The following FOXJ3 variants were observed in gnomAD, a reference collection of about 807,000 sequenced individuals.
FOXJ3 encodes the protein forkhead box protein J3.
In FOXJ3, 22 loss-of-function variants were observed where a neutral mutation model predicts 76.1. The ratio of observed to expected loss-of-function variants is 0.29; its 90% CI spans 0.21 to 0.41. FOXJ3 has a LOEUF of 0.41. Among genes scored for constraint, FOXJ3 ranks in the 10% least tolerant of loss-of-function variants. The probability of loss-of-function intolerance (pLI) is 1.00; values close to 1 mark genes in which losing one functional copy is unlikely to be tolerated. For missense variants in FOXJ3, 613 were observed against 762.1 expected, an observed-to-expected ratio of 0.80 and a Z score of 2.30; for synonymous variants, 269 against 261.2, an observed-to-expected ratio of 1.03 and a Z score of -0.29.
intron 1 of FOXJ3, among the ~76,000 whole-genome samples, chr1:42,311,327 G>A (rs1290654876): frequency 1.3e-5 from 2 of 152,112 alleles, no homozygotes; most frequent in African/African-American, 4.8e-5. Context: ...AGACATATCA[G>A]GAAGCCTACA....
chr1:42,241,673 A>G (rs1388860146), intron 4 of FOXJ3, among the ~76,000 whole-genome samples: 1 of 152,228 alleles, frequency 6.6e-6, no homozygotes, highest in African/African-American at 2.4e-5. Flanking sequence ...GATAACATCA[A>G]TGCATACCAC....
chr1:42,286,214 CTT>C (rs1653045482), intron 2 of FOXJ3, among the ~76,000 whole-genome samples: 1 of 152,094 alleles, frequency 6.6e-6, no homozygotes, highest in African/African-American at 2.4e-5. Flanking sequence ...GAAGAAATAA[CTT>C]AGGCTATTTC....
At chr1:42,282,889 A>C (rs1652817232) in intron 2 of FOXJ3, among the ~76,000 whole-genome samples, 1 of 152,236 alleles carries the variant, frequency 6.6e-6, no homozygotes, top group African/African-American at 2.4e-5. Context: ...CTCCCCCAGG[A>C]GATTCTGATC....
At chr1:42,240,947 T>C (rs771991010) in intron 4 of FOXJ3, among the ~76,000 whole-genome samples, 2 of 152,162 alleles carry the variant, frequency 1.3e-5, no homozygotes, top group African/African-American at 4.8e-5. Flanking sequence ...AAAAACCAAA[T>C]AGCAAGCAGA....
chr1:42,319,617 TA>T (rs1412443719), intron 1 of FOXJ3, among the ~76,000 whole-genome samples: 1 of 152,172 alleles, frequency 6.6e-6, no homozygotes, highest in Non-Finnish European at 1.5e-5. Context: ...GTGAATATAC[TA>T]AAAAACACTG....
intron 1 of FOXJ3, among the ~76,000 whole-genome samples, chr1:42,330,017 C>T (rs146657780): frequency 1.3e-5 from 2 of 152,230 alleles, no homozygotes; most frequent in African/African-American, 2.4e-5. Context: ...CCTCTCTGTG[C>T]CCATTTCCTC....
At chr1:42,250,245 G>A (rs371414337) in intron 4 of FOXJ3, among the ~76,000 whole-genome samples, 2 of 152,118 alleles carry the variant, frequency 1.3e-5, no homozygotes, top group Non-Finnish European at 2.9e-5. Flanking sequence ...TAATTATTTT[G>A]TTTTCGTATA....
intron 4 of FOXJ3, among the ~76,000 whole-genome samples, chr1:42,251,526 T>G (rs1488481113): frequency 6.6e-6 from 1 of 152,124 alleles, no homozygotes; most frequent in African/African-American, 2.4e-5. Context: ...TTGAATTTTG[T>G]CAAAGGCCTT....
intron 8 of FOXJ3, among the ~76,000 whole-genome samples, chr1:42,192,066 T>G (rs1224785862): frequency 6.6e-6 from 1 of 152,150 alleles, no homozygotes; most frequent in Non-Finnish European, 1.5e-5. Flanking sequence ...GAACTGAGTC[T>G]TGAAAGATAA....
intron 4 of FOXJ3, among the ~76,000 whole-genome samples, chr1:42,234,872 T>G (rs1170583197): frequency 1.3e-5 from 2 of 152,208 alleles, no homozygotes; most frequent in African/African-American, 4.8e-5. Flanking sequence ...GAGGAGGCTG[T>G]CTGTCCGTTC....
intron 2 of FOXJ3, among the ~76,000 whole-genome samples, chr1:42,281,072 C>T (rs1652674282): frequency 6.6e-6 from 1 of 152,144 alleles, no homozygotes; most frequent in Admixed American, 6.5e-5. Context: ...CCATCTTTGC[C>T]TTCTGCTCCC....
intron 2 of FOXJ3, among the ~76,000 whole-genome samples, chr1:42,290,162 C>T (rs1323435237): frequency 2.0e-5 from 3 of 151,946 alleles, no homozygotes; most frequent in African/African-American, 7.2e-5. Context: ...TTTAAAACAA[C>T]AGTTATCAAA....
At chr1:42,221,079 G>C (rs147153427) in intron 5 of FOXJ3, among the ~76,000 whole-genome samples, 1 of 152,062 alleles carries the variant, frequency 6.6e-6, no homozygotes, top group South Asian at 2.1e-4. Context: ...ATTAATTTAC[G>C]TATTTTTAAT....
intron 1 of FOXJ3, among the ~76,000 whole-genome samples, chr1:42,320,769 G>A (rs1422347663): frequency 6.6e-6 from 1 of 152,164 alleles, no homozygotes; most frequent in East Asian, 1.9e-4. Flanking sequence ...TACATTTTAA[G>A]CAACATTTAA....
intron 2 of FOXJ3, among the ~76,000 whole-genome samples, chr1:42,303,034 C>T (rs1006427613): frequency 6.6e-6 from 1 of 151,946 alleles, no homozygotes; most frequent in African/African-American, 2.4e-5. Flanking sequence ...TCCACAGTCT[C>T]CTACACTGAC....
In FOXJ3 at chr1:42,299,750, A is replaced by T. The variant is rs868571552; in HGVS notation, c.44+11300T>A. Among the ~76,000 whole-genome samples, 5 of 151,948 alleles carry T rather than the reference A, an allele frequency of 3.3e-5. 1 individual carries two copies. Among genetic ancestry groups the T allele is most frequent in the African/African-American group, 1.2e-4 (5 of 41,314 alleles). ...GGCAAAACCTCATCTCTACTAAAAA[A>T]TACAAAAGTTAGCCAGGTGTGGTGG... On this transcript the variant is annotated intron_variant, in intron 2 of 12. Coordinates refer to ENST00000361346, the MANE Select transcript of FOXJ3 (RefSeq NM_014947.5).
At chr1:42,221,350 T>C (rs768840431) in intron 5 of FOXJ3, among the ~76,000 whole-genome samples, 4 of 152,092 alleles carry the variant, frequency 2.6e-5, no homozygotes, top group Non-Finnish European at 5.9e-5. Flanking sequence ...AGACAAAAGA[T>C]TTAAGTTAAA....
chr1:42,291,693 T>G (rs1653447229), intron 2 of FOXJ3, among the ~76,000 whole-genome samples: 1 of 152,076 alleles, frequency 6.6e-6, no homozygotes, highest in Non-Finnish European at 1.5e-5. Context: ...GGCAGGAAGA[T>G]CGCCGGAGCC....
At chr1:42,201,912 CTATT>C (rs1646771441) in intron 6 of FOXJ3, among the ~76,000 whole-genome samples, 1 of 151,870 alleles carries the variant, frequency 6.6e-6, no homozygotes, top group East Asian at 1.9e-4. Context: ...TTAACATTTT[CTATT>C]TATTCTTGCG....
Sources: allele counts gnomAD v4.1 joint callset (sites outside exome capture counted in the v4.1 genomes callset), GRCh38; gene constraint gnomAD v4.1.1; transcripts MANE v1.5; gene names NCBI Gene and HGNC (gene_info 2026-07-23, HGNC 2026-07-21).